The following EHBP1 variants were observed in gnomAD, a reference collection of about 807,000 sequenced individuals.
The protein encoded by EHBP1 is EH domain-binding protein 1.
EHBP1 carries 55 observed loss-of-function variants against 144.0 expected under a neutral mutation model. The ratio of observed to expected loss-of-function variants is 0.38; its 90% CI spans 0.31 to 0.48. EHBP1 has a LOEUF of 0.48. Among genes scored for constraint, EHBP1 ranks in the 20% least tolerant of loss-of-function variants. EHBP1 has a pLI of 0.98. For missense variants in EHBP1, 1,200 were observed against 1,364.2 expected (o/e 0.88, Z 1.90); for synonymous variants, 469 against 472.7 (o/e 0.99, Z 0.10).
intron 14 of EHBP1, among the ~76,000 whole-genome samples, chr2:62,967,986 G>A (rs1558997442): frequency 6.6e-6 from 1 of 151,946 alleles, no homozygotes; most frequent in Non-Finnish European, 1.5e-5. Context: ...ACTCTTTATA[G>A]TATAGCTTTT....
At chr2:62,773,170 A>G (rs532044392) in intron 5 of EHBP1, among the ~76,000 whole-genome samples, 3 of 152,306 alleles carry the variant, frequency 2.0e-5, no homozygotes, top group African/African-American at 7.2e-5. Context: ...CAAACAAAAC[A>G]AAGGAAGTGC....
chr2:62,830,187 C>CATATAT (rs2046716876), intron 6 of EHBP1, among the ~76,000 whole-genome samples: 1 of 105,740 alleles, frequency 9.5e-6, no homozygotes, highest in Non-Finnish European at 2.1e-5. Flanking sequence ...CACACACACA[C>CATATAT]ACACACACAT....
At chr2:62,682,591 A>C (rs1440711300) in intron 1 of EHBP1, among the ~76,000 whole-genome samples, 3 of 152,200 alleles carry the variant, frequency 2.0e-5, no homozygotes, top group East Asian at 1.9e-4. Context: ...CATGTGATAA[A>C]CTGATTGACA....
chr2:62,751,320 T>C lies in EHBP1; in HGVS notation c.162+3868T>C, dbSNP rs1396856066. On this transcript the variant is annotated intron_variant, in intron 3 of 22. Transcript: ENST00000431489. Reference sequence around the variant, plus strand: ...TTCGTATGTTGAAACAGCCTTGCATTCCAGGGATGAAGCCCACTTGATCAT... The same window carrying C: ...TTCGTATGTTGAAACAGCCTTGCATCCCAGGGATGAAGCCCACTTGATCAT... 4.6e-5 allele frequency among the ~76,000 whole-genome samples: 7 copies of C among 152,184 alleles called. No individual in the cohort carries two copies. In the South Asian group the frequency reaches 8.3e-4, roughly 18 times the overall value.
At chr2:63,044,927 C>A in intron 21 of EHBP1, 139 bp from the exon 22 acceptor site, 1 of 638,422 alleles carries the variant, frequency 1.6e-6, no homozygotes. Flanking sequence ...GCCAAACTCC[C>A]CAGAAAACAC....
chr2:62,955,881 G>T, intron 14 of EHBP1: 3 of 389,816 alleles, frequency 7.7e-6, no homozygotes, highest in Non-Finnish European at 1.4e-5. Flanking sequence ...GTAAGATCTG[G>T]GAATATAATT....
rs1443445316 is a variant in EHBP1, at chr2:63,001,137, A to G, written c.3103+4371A>G. Among the ~76,000 whole-genome samples the G allele has an allele frequency of 2.0e-5, 3 of 152,210 alleles. No individual in the cohort carries two copies. The East Asian group carries it at 5.8e-4, about 29-fold the overall frequency. On this transcript the variant is annotated intron_variant, in intron 19 of 22. Coordinates refer to ENST00000431489, the MANE Select transcript of EHBP1 (RefSeq NM_001142616.3). Reference sequence around the variant, plus strand: ...ATCTGTTTTCTTTTAATGGTTATCAAACTTTTTAACTGCAGTGTTTTAATT... The same window carrying G: ...ATCTGTTTTCTTTTAATGGTTATCAGACTTTTTAACTGCAGTGTTTTAATT...
intron 7 of EHBP1, among the ~76,000 whole-genome samples, chr2:62,844,914 AAC>A (rs528850109): frequency 1.3e-4 from 20 of 152,108 alleles, no homozygotes; most frequent in Non-Finnish European, 8.8e-5. Flanking sequence ...TTGGATAGGA[AAC>A]ACAGTATGCC....
chr2:62,946,435 TCTTTC>T (rs1291156537), intron 12 of EHBP1, among the ~76,000 whole-genome samples: 1 of 152,212 alleles, frequency 6.6e-6, no homozygotes, highest in South Asian at 2.1e-4. Context: ...TTTTACATAG[TCTTTC>T]CTTTCATCAT....
intron 10 of EHBP1, among the ~76,000 whole-genome samples, chr2:62,907,369 T>C (rs2053885901): frequency 6.6e-6 from 1 of 152,238 alleles, no homozygotes; most frequent in Non-Finnish European, 1.5e-5. Context: ...TGCTTTAGTA[T>C]GTTTTTCCCT....
chr2:62,831,729 C>T (rs1255591740), intron 7 of EHBP1, among the ~76,000 whole-genome samples: 1 of 152,150 alleles, frequency 6.6e-6, no homozygotes, highest in Non-Finnish European at 1.5e-5. Flanking sequence ...CACACTTAAG[C>T]AATTGATGTC....
intron 10 of EHBP1, among the ~76,000 whole-genome samples, chr2:62,898,956 C>G (rs2053176246): frequency 6.6e-6 from 1 of 152,084 alleles, no homozygotes; most frequent in Non-Finnish European, 1.5e-5. Flanking sequence ...GAATATGCAC[C>G]TACACGCAGA....
chr2:62,980,857 CT>C (rs1331290793), intron 15 of EHBP1, among the ~76,000 whole-genome samples: 167 of 139,332 alleles, frequency 1.2e-3, no homozygotes, highest in South Asian at 2.5e-3. Context: ...TTTCACGTGT[CT>C]TTTTTTTTTT....
At chr2:62,753,213 T>TCAG (rs2039927238) in intron 3 of EHBP1, among the ~76,000 whole-genome samples, 1 of 152,228 alleles carries the variant, frequency 6.6e-6, no homozygotes, top group Admixed American at 6.5e-5. Context: ...ACAAAATCTC[T>TCAG]CAGCATTTGC....
At chr2:62,996,338 ACT>A (rs2059625715) in intron 18 of EHBP1, among the ~76,000 whole-genome samples, 1 of 152,066 alleles carries the variant, frequency 6.6e-6, no homozygotes, top group Non-Finnish European at 1.5e-5. Context: ...TGCTTAAATA[ACT>A]CTGACTTAAC....
chr2:62,793,761 A>G (rs2043338542), intron 5 of EHBP1, among the ~76,000 whole-genome samples: 1 of 152,148 alleles, frequency 6.6e-6, no homozygotes, highest in Non-Finnish European at 1.5e-5. Flanking sequence ...AGAAATGGAA[A>G]ACACTAAGTG....
chr2:62,816,652 T>G (rs2045470266), intron 5 of EHBP1, among the ~76,000 whole-genome samples: 1 of 152,212 alleles, frequency 6.6e-6, no homozygotes, highest in African/African-American at 2.4e-5. Context: ...AGACTGTGGC[T>G]TCAGTTAGGG....
At chr2:63,032,602 G>C (rs931136475) in intron 19 of EHBP1, among the ~76,000 whole-genome samples, 4 of 144,822 alleles carry the variant, frequency 2.8e-5, no homozygotes, top group South Asian at 4.4e-4. Flanking sequence ...AGTCAGTTCA[G>C]ACCCCATTAA....
chr2:63,004,239 C>G (rs191669456), intron 19 of EHBP1, among the ~76,000 whole-genome samples: 45 of 152,038 alleles, frequency 3.0e-4, no homozygotes, highest in Non-Finnish European at 5.3e-4. Context: ...GGTAACAGTT[C>G]AGTTCACAAT....
Sources: gnomAD v4.1 joint callset for allele counts (sites outside exome capture counted in the v4.1 genomes callset) on GRCh38, gnomAD v4.1.1 for gene constraint, MANE v1.5 for transcripts, NCBI Gene and HGNC (gene_info 2026-07-23, HGNC 2026-07-21) for gene names.